Variants in UNC13B observed in about 807,000 individuals in gnomAD.
The protein encoded by UNC13B is unc-13 homolog B.
Under a neutral mutation model 211.0 loss-of-function variants are expected in UNC13B, and 144 were observed. That is an observed-to-expected ratio of 0.68 (90% CI 0.60 to 0.78). The LOEUF (loss-of-function observed/expected upper bound fraction) is 0.78, where lower values mean the gene tolerates loss of function less well. UNC13B is among the 30% of genes least tolerant of loss of function. The probability of loss-of-function intolerance (pLI) is 0.00; values close to 1 mark genes in which losing one functional copy is unlikely to be tolerated. For synonymous variants in UNC13B, 709 were observed against 725.8 expected, an observed-to-expected ratio of 0.98 and a Z score of 0.37; for missense variants, 1,777 against 2,002.0, an observed-to-expected ratio of 0.89 and a Z score of 2.14.
At chr9:35,296,027 C>A in intron 8 of UNC13B, 97 bp downstream of exon 8, 2 of 1,160,018 alleles carry the variant, frequency 1.7e-6, no homozygotes, top group Admixed American at 2.2e-5. Flanking sequence ...GAAGAGGTAG[C>A]GTAAGTGTAG....
chr9:35,280,971 C>T (rs1246400406), intron 7 of UNC13B, among the ~76,000 whole-genome samples: 7 of 152,076 alleles, frequency 4.6e-5, no homozygotes, highest in Admixed American at 3.9e-4. Flanking sequence ...ACCATAAAAG[C>T]GTGGTCATCT....
At chr9:35,244,637 G>T (rs1825984569) in intron 6 of UNC13B, among the ~76,000 whole-genome samples, 1 of 152,050 alleles carries the variant, frequency 6.6e-6, no homozygotes, top group Admixed American at 6.6e-5. Flanking sequence ...GTTGTAATGT[G>T]CCTCCCTGTG....
intron 26 of UNC13B, among the ~76,000 whole-genome samples, chr9:35,393,348 G>A (rs1458902984): frequency 6.6e-6 from 1 of 151,996 alleles, no homozygotes; most frequent in African/African-American, 2.4e-5. Context: ...GGGTGGTAGT[G>A]ACAAGAAAGG....
chr9:35,338,358 G>A (rs1280629978), intron 11 of UNC13B, among the ~76,000 whole-genome samples: 4 of 152,150 alleles, frequency 2.6e-5, no homozygotes, highest in African/African-American at 7.2e-5. Flanking sequence ...CTGCCTTGCA[G>A]CTTGTCGGGT....
At position 35,391,883 on chromosome 9, in the gene UNC13B, C is replaced by G. The variant is rs1458993207; in HGVS notation, c.11308+1169C>G. Among the ~76,000 whole-genome samples the G allele has an allele frequency of 2.0e-5, 3 of 152,204 alleles. No individual in the cohort carries two copies. The East Asian group carries it at 5.8e-4, about 29-fold the overall frequency. On this transcript the variant is annotated intron_variant, in intron 26 of 39. Coordinates refer to ENST00000635942, the MANE Select transcript of UNC13B (RefSeq NM_001371189.2). ...CTCCAGGCCTCTTGCATGATGACAGCTCAGCCAGCCCTGCATTTATCAATC... is the reference window on the plus strand; with the variant it reads ...CTCCAGGCCTCTTGCATGATGACAGGTCAGCCAGCCCTGCATTTATCAATC...
chr9:35,288,474 T>C (rs977837590), intron 7 of UNC13B, among the ~76,000 whole-genome samples: 10 of 152,270 alleles, frequency 6.6e-5, no homozygotes, highest in African/African-American at 2.4e-4. Flanking sequence ...TTCCTTTTCC[T>C]GGGACATTTT....
In UNC13B at chr9:35,303,301, G is replaced by A; in HGVS notation, c.3897G>A (p.Gln1299=). Residue 1299 remains glutamine, a synonymous_variant, in exon 9 of 40, where the codon CAG becomes CAA. Coordinates refer to ENST00000635942, the MANE Select transcript of UNC13B (RefSeq NM_001371189.2). ...TACTTCACTGTGCTCCAAGTGCTCA[G>A]CTAGGTTTTTTGGAGAAATCTATGG... ...NIVLHCAPSA[Q]LGFLEKSMAK... 2.5e-6 allele frequency: 1 copy of A among 398,566 alleles called. No individual in the cohort carries two copies. The highest frequency in any genetic ancestry group is 4.4e-6 in the Non-Finnish European group (1 of 225,800). 24.7% of individuals were successfully genotyped at this position (398,566 alleles called of 1,614,324 possible). A position where few individuals can be genotyped will look rare whatever the true frequency, so the allele number is the denominator to read the frequency against.
At chr9:35,168,621 TGTAA>T (rs1229757442) in intron 1 of UNC13B, among the ~76,000 whole-genome samples, 2 of 152,202 alleles carry the variant, frequency 1.3e-5, no homozygotes, top group East Asian at 3.8e-4. Context: ...ACTCTGCTCT[TGTAA>T]GTAAGTTTGA....
intron 1 of UNC13B, among the ~76,000 whole-genome samples, chr9:35,208,592 C>T (rs766316280): frequency 2.0e-5 from 3 of 152,192 alleles, no homozygotes; most frequent in Non-Finnish European, 4.4e-5. Flanking sequence ...GCAGAGACAT[C>T]TTACATGGCA....
intron 1 of UNC13B, among the ~76,000 whole-genome samples, chr9:35,215,243 A>C (rs1275055438): frequency 6.6e-6 from 1 of 152,112 alleles, no homozygotes; most frequent in Non-Finnish European, 1.5e-5. Context: ...TTCTACAAAA[A>C]ATTTAAAAAA....
chr9:35,238,198 A>G (rs1825620142), intron 5 of UNC13B, among the ~76,000 whole-genome samples: 2 of 152,356 alleles, frequency 1.3e-5, no homozygotes, highest in Non-Finnish European at 2.9e-5. Context: ...GCACTGATAA[A>G]TAGAATAATA....
intron 8 of UNC13B, among the ~76,000 whole-genome samples, chr9:35,297,561 T>TTTTTTTTTTTGTTTTTG: frequency 7.8e-6 from 1 of 128,164 alleles, no homozygotes; most frequent in African/African-American, 2.9e-5. Context: ...TTTTTTTTTT[T>TTTTTTTTTTTGTTTTTG]TTTTTTGAGA....
At chr9:35,203,691 T>C (rs1040082177) in intron 1 of UNC13B, among the ~76,000 whole-genome samples, 3 of 152,236 alleles carry the variant, frequency 2.0e-5, no homozygotes, top group Admixed American at 6.5e-5. Flanking sequence ...GTATTCAAGA[T>C]GTGGCCTGGC....
intron 7 of UNC13B, among the ~76,000 whole-genome samples, chr9:35,285,613 A>G (rs559517234): frequency 4.6e-5 from 7 of 152,226 alleles, no homozygotes; most frequent in Admixed American, 4.6e-4. Context: ...GCTTCTCAGG[A>G]GGCTAGGGTA....
In UNC13B at chr9:35,280,871, G is replaced by C. The variant is rs189606228; in HGVS notation, c.527-14825G>C. On this transcript the variant is annotated intron_variant, in intron 7 of 39. Transcript: ENST00000635942. ...ACAATTAACCATGTTAAAAATGTCA[G>C]ATTAATGTATCAAAGTTTCATTTGC... 5.3e-5 allele frequency among the ~76,000 whole-genome samples: 8 copies of C among 152,164 alleles called. 1 individual carries two copies. The highest frequency in any genetic ancestry group is 5.2e-4 in the Admixed American group (8 of 15,274).
chr9:35,342,400 G>C, intron 11 of UNC13B: 2 of 975,578 alleles, frequency 2.1e-6, no homozygotes, highest in Non-Finnish European at 2.4e-6. Flanking sequence ...CAAAAGGAAA[G>C]CATTTGTGGG....
intron 1 of UNC13B, among the ~76,000 whole-genome samples, chr9:35,167,488 A>G (rs1326226529): frequency 1.3e-5 from 2 of 152,042 alleles, no homozygotes; most frequent in African/African-American, 4.8e-5. Context: ...GTATTCTGTT[A>G]TATAAGCATA....
At chr9:35,280,082 T>C (rs1414792850) in intron 7 of UNC13B, among the ~76,000 whole-genome samples, 1 of 152,150 alleles carries the variant, frequency 6.6e-6, no homozygotes, top group Non-Finnish European at 1.5e-5. Flanking sequence ...TGCTTACATG[T>C]TAATTTTGGG....
chr9:35,385,540 A>G lies in UNC13B; in HGVS notation c.10876-184A>G, dbSNP rs545702779. Reference sequence around the variant, plus strand: ...GGAGTATTAACCCCTGCTTTTGGCAAGAGCCTGTTTGCATCAATAGAAAAA... The same window carrying G: ...GGAGTATTAACCCCTGCTTTTGGCAGGAGCCTGTTTGCATCAATAGAAAAA... On this transcript the variant is annotated intron_variant, in intron 22 of 39. Transcript: ENST00000635942. 269 of 985,438 alleles carry G rather than the reference A, an allele frequency of 2.7e-4. 1 individual carries two copies. In the Middle Eastern group the frequency reaches 4.7e-3, roughly 17 times the overall value. 61.0% of individuals were successfully genotyped at this position (985,438 alleles called of 1,614,324 possible).
Sources: gnomAD v4.1 joint callset for allele counts (sites outside exome capture counted in the v4.1 genomes callset) on GRCh38, gnomAD v4.1.1 for gene constraint, MANE v1.5 for transcripts, NCBI Gene and HGNC (gene_info 2026-07-23, HGNC 2026-07-21) for gene names.